The following GPR89A variants were observed in gnomAD, a reference collection of about 807,000 sequenced individuals.
GPR89A encodes the protein golgi pH regulator A.
In GPR89A, 16 loss-of-function variants were observed where a neutral mutation model predicts 52.0. The observed-to-expected ratio is 0.31, with a 90% confidence interval of 0.21 to 0.47. The LOEUF is 0.47. Ranked by LOEUF, GPR89A falls within the 20% of genes least tolerant of loss-of-function variation. The probability of loss-of-function intolerance (pLI) is 1.00; values close to 1 mark genes in which losing one functional copy is unlikely to be tolerated. For synonymous variants in GPR89A, 55 were observed against 150.9 expected, an observed-to-expected ratio of 0.36 and a Z score of 4.66; for missense variants, 135 against 449.4, an observed-to-expected ratio of 0.30 and a Z score of 6.33.
intron 7 of GPR89A, among the ~76,000 whole-genome samples, chr1:145,632,336 A>G (rs587688106): frequency 6.6e-6 from 1 of 152,034 alleles, no homozygotes; most frequent in African/African-American, 2.4e-5. Context: ...TATGTTGCAA[A>G]GAAAAAAAAC....
At chr1:145,632,894 T>C (rs1287971123) in intron 7 of GPR89A, among the ~76,000 whole-genome samples, 3 of 152,166 alleles carry the variant, frequency 2.0e-5, no homozygotes, top group Non-Finnish European at 4.4e-5. Context: ...TTTCTCAGCA[T>C]CCACACCAAT....
At chr1:145,647,864 T>TCG (rs1651144654) in intron 10 of GPR89A, among the ~76,000 whole-genome samples, 1 of 86,192 alleles carries the variant, frequency 1.2e-5, no homozygotes, top group Non-Finnish European at 2.3e-5. Flanking sequence ...TCTCTCTCTC[T>TCG]CTCTCTCTCT....
chr1:145,650,394 A>G (rs1651368760), intron 10 of GPR89A, among the ~76,000 whole-genome samples: 1 of 151,806 alleles, frequency 6.6e-6, no homozygotes, highest in Non-Finnish European at 1.5e-5. Context: ...ATTGATGGGC[A>G]TTTGGGTTGA....
chr1:145,652,909 A>G (rs1161238840), intron 10 of GPR89A, among the ~76,000 whole-genome samples: 1 of 144,492 alleles, frequency 6.9e-6, no homozygotes, highest in African/African-American at 2.8e-5. Flanking sequence ...TATTTTATTA[A>G]TCTTTTCAAA....
chr1:145,669,571 G>T (rs1265804091), intron 12 of GPR89A, 54 bp from the exon 13 acceptor site: 4 of 1,600,282 alleles, frequency 2.5e-6, no homozygotes, highest in Non-Finnish European at 3.4e-6. Flanking sequence ...CTTACTGTTC[G>T]TGACACAGGA....
chr1:145,662,275 G>T (rs1253253188), intron 10 of GPR89A, among the ~76,000 whole-genome samples: 1 of 152,036 alleles, frequency 6.6e-6, no homozygotes, highest in Admixed American at 6.6e-5. Context: ...CTGTCATTAG[G>T]TGTATAAACA....
chr1:145,650,236 T>C lies in GPR89A; in HGVS notation c.909+2969T>C, dbSNP rs587632855. 1.7e-4 allele frequency among the ~76,000 whole-genome samples: 26 copies of C among 150,240 alleles called. No individual in the cohort carries two copies. The South Asian group carries it at 5.4e-3, about 31-fold the overall frequency. ...CACTTATAAGTGAGAACATGTGATA[T>C]TTGGTTTTCTGTTCCTGTGTTAGTT... On this transcript the variant is annotated intron_variant, in intron 10 of 13. Transcript: ENST00000313835.
At chr1:145,659,829 A>G (rs1412289875) in intron 10 of GPR89A, among the ~76,000 whole-genome samples, 145 of 133,466 alleles carry the variant, frequency 1.1e-3, no homozygotes, top group African/African-American at 4.1e-3. Flanking sequence ...GTAGCTTTAT[A>G]GGGATGGCAT....
At chr1:145,661,952 CTAAT>C (rs1412709518) in intron 10 of GPR89A, among the ~76,000 whole-genome samples, 1 of 151,918 alleles carries the variant, frequency 6.6e-6, no homozygotes, top group Middle Eastern at 3.2e-3. Context: ...ATATTATTCT[CTAAT>C]TAATTTCTAA....
At chr1:145,655,144 A>G (rs1174734365) in intron 10 of GPR89A, among the ~76,000 whole-genome samples, 2 of 149,726 alleles carry the variant, frequency 1.3e-5, no homozygotes, top group Non-Finnish European at 3.0e-5. Context: ...CAGCTCCATC[A>G]CATTGTTTAT....
rs1319441416 is a variant in GPR89A at position 145,670,218 on chromosome 1, A to C, written c.*178A>C. The C allele has an allele frequency of 2.4e-5, 36 of 1,508,786 alleles. No homozygotes were observed. In the Admixed American group the frequency reaches 2.8e-4, roughly 12 times the overall value. 93.5% of individuals were successfully genotyped at this position (1,508,786 alleles called of 1,614,324 possible). ...TGATACTATGACCATGAGTAGCATC[A>C]GCCAGAACATGAGAGGGAGAACTAA... On this transcript the variant is annotated 3_prime_UTR_variant, in exon 14 of 14. Coordinates refer to ENST00000313835, the MANE Select transcript of GPR89A (RefSeq NM_001097612.2).
At chr1:145,661,989 A>G (rs587769279) in intron 10 of GPR89A, among the ~76,000 whole-genome samples, 2 of 152,276 alleles carry the variant, frequency 1.3e-5, no homozygotes, top group Non-Finnish European at 2.9e-5. Context: ...TGGTCTAAGA[A>G]CATATTTTGT....
intron 1 of GPR89A, among the ~76,000 whole-genome samples, chr1:145,609,443 TA>T (rs1344190861): frequency 6.6e-6 from 1 of 152,236 alleles, no homozygotes; most frequent in African/African-American, 2.4e-5. Context: ...GTATTGTTTT[TA>T]TTGGCTGCAT....
Position 145,626,648 on chromosome 1 carries a change from G to A in GPR89A, c.415+2934G>A, listed in dbSNP as rs2101759976. ...ACAACCAGTATGGTTGTTTATTGCT[G>A]TGGTGACCACAAAAAAATGGGCTGG... On this transcript the variant is annotated intron_variant, in intron 5 of 13. Transcript: ENST00000313835. Among the ~76,000 whole-genome samples the A allele has an allele frequency of 2.0e-5, 3 of 150,920 alleles. No homozygotes were observed. In the South Asian group the frequency reaches 6.3e-4, roughly 32 times the overall value.
intron 12 of GPR89A, among the ~76,000 whole-genome samples, chr1:145,667,177 G>T (rs1380945070): frequency 6.6e-6 from 1 of 152,128 alleles, no homozygotes; most frequent in Non-Finnish European, 1.5e-5. Context: ...TTCCACAATG[G>T]TTGAACTAGT....
At chr1:145,654,551 T>TAAAA (rs1553694189) in intron 10 of GPR89A, among the ~76,000 whole-genome samples, 2 of 107,216 alleles carry the variant, frequency 1.9e-5, no homozygotes, top group Non-Finnish European at 1.8e-5. Flanking sequence ...AGAATCCATC[T>TAAAA]ACAAAAAAAA....
chr1:145,619,543 T>G, intron 3 of GPR89A, among the ~76,000 whole-genome samples: 1 of 151,770 alleles, frequency 6.6e-6, no homozygotes, highest in Non-Finnish European at 1.5e-5. Flanking sequence ...GCCCAGGAGT[T>G]TGAGGATATG....
intron 7 of GPR89A, among the ~76,000 whole-genome samples, chr1:145,637,155 C>T (rs782184969): frequency 1.3e-5 from 2 of 151,630 alleles, no homozygotes; most frequent in Non-Finnish European, 2.9e-5. Context: ...TGATTGAGTG[C>T]ATTTTCTGAG....
Position 145,627,073 on chromosome 1 carries a change from G to C in GPR89A, c.415+3359G>C, listed in dbSNP as rs1649563541. ...GTCCTTAGTGGGAAAGAGTAAGAGA[G>C]ATTACAAAAGACTGTAAGGAATCTG... On this transcript the variant is annotated intron_variant, in intron 5 of 13. Coordinates refer to ENST00000313835, the MANE Select transcript of GPR89A (RefSeq NM_001097612.2). Among the ~76,000 whole-genome samples, 3 of 151,992 alleles carry C rather than the reference G, an allele frequency of 2.0e-5. No individual in the cohort carries two copies. In the South Asian group the frequency reaches 6.2e-4, roughly 32 times the overall value.
Sources: allele counts gnomAD v4.1 joint callset (sites outside exome capture counted in the v4.1 genomes callset), GRCh38; gene constraint gnomAD v4.1.1; transcripts MANE v1.5; gene names NCBI Gene and HGNC (gene_info 2026-07-23, HGNC 2026-07-21).